ARHGEF28: variants seen among roughly 807,000 people sequenced by gnomAD.
The protein encoded by ARHGEF28 is 190 kDa guanine nucleotide exchange factor.
ARHGEF28 carries 152 observed loss-of-function variants against 206.6 expected under a neutral mutation model. The ratio of observed to expected loss-of-function variants is 0.74; its 90% CI spans 0.64 to 0.84. ARHGEF28 has a LOEUF of 0.84. Among genes scored for constraint, ARHGEF28 ranks in the 40% least tolerant of loss-of-function variants. The probability of loss-of-function intolerance (pLI) is 0.00; values close to 1 mark genes in which losing one functional copy is unlikely to be tolerated. For synonymous variants in ARHGEF28, 763 were observed against 776.4 expected (o/e 0.98, Z 0.29); for missense variants, 2,028 against 2,073.2 (o/e 0.98, Z 0.42).
At chr5:73,782,040 T>A (rs944512326) in intron 7 of ARHGEF28, among the ~76,000 whole-genome samples, 1 of 151,966 alleles carries the variant, frequency 6.6e-6, no homozygotes, top group Non-Finnish European at 1.5e-5. Context: ...GGTCAATACT[T>A]TTGATTCTGC....
chr5:73,711,809 A>G (rs1026257394), intron 2 of ARHGEF28, among the ~76,000 whole-genome samples: 15 of 150,920 alleles, frequency 9.9e-5, no homozygotes, highest in African/African-American at 3.7e-4. Flanking sequence ...TTTTATTCCT[A>G]TCTTTGTGCC....
chr5:73,738,906 T>C (rs972724810), intron 2 of ARHGEF28, among the ~76,000 whole-genome samples: 8 of 152,176 alleles, frequency 5.3e-5, no homozygotes, highest in Admixed American at 4.6e-4. Context: ...TCTGTGTGGG[T>C]TCAAGGTGAA....
chr5:73,880,276 C>G (rs936068398), intron 22 of ARHGEF28, among the ~76,000 whole-genome samples: 1 of 152,164 alleles, frequency 6.6e-6, no homozygotes, highest in African/African-American at 2.4e-5. Context: ...CTAAGCCCGT[C>G]GGAAAAGCGC....
At chr5:73,719,459 G>T (rs1190513631) in intron 2 of ARHGEF28, among the ~76,000 whole-genome samples, 3 of 149,776 alleles carry the variant, frequency 2.0e-5, no homozygotes, top group Non-Finnish European at 4.4e-5. Context: ...TTCAAACTCT[G>T]TTCTTCATAA....
At chr5:73,813,363 T>G (rs1258963905) in intron 9 of ARHGEF28, 1 of 427,428 alleles carries the variant, frequency 2.3e-6, no homozygotes, top group Non-Finnish European at 3.1e-6. Flanking sequence ...TTTACTTCCC[T>G]AGTTTGGCTT....
intron 9 of ARHGEF28, among the ~76,000 whole-genome samples, chr5:73,821,579 AGTTT>A (rs1756589720): frequency 6.6e-6 from 1 of 152,056 alleles, no homozygotes; most frequent in African/African-American, 2.4e-5. Context: ...CTTCCTCATT[AGTTT>A]GTTTATATTT....
chr5:73,677,118 C>A (rs1746746799), intron 1 of ARHGEF28, among the ~76,000 whole-genome samples: 1 of 152,170 alleles, frequency 6.6e-6, no homozygotes, highest in Non-Finnish European at 1.5e-5. Flanking sequence ...TAGATGCCAG[C>A]ATTGAGTGGA....
intron 10 of ARHGEF28, among the ~76,000 whole-genome samples, chr5:73,837,461 G>A (rs957106067): frequency 1.3e-5 from 2 of 151,814 alleles, no homozygotes; most frequent in Admixed American, 6.6e-5. Context: ...TATTTTCTTA[G>A]CTGTTTAAAT....
intron 9 of ARHGEF28, among the ~76,000 whole-genome samples, chr5:73,804,082 CAAAAAAAA>C (rs35722039): frequency 5.3e-4 from 34 of 64,302 alleles, no homozygotes; most frequent in African/African-American, 1.5e-3. Context: ...GAGACCCTGT[CAAAAAAAA>C]AAAAAAAAAA....
At chr5:73,843,335 A>G (rs1296063195) in intron 11 of ARHGEF28, among the ~76,000 whole-genome samples, 1 of 152,178 alleles carries the variant, frequency 6.6e-6, no homozygotes, top group Non-Finnish European at 1.5e-5. Context: ...AAGCCATTCT[A>G]CAGAAAAGCT....
At chr5:73,820,007 C>G (rs1284701032) in intron 9 of ARHGEF28, among the ~76,000 whole-genome samples, 1 of 152,102 alleles carries the variant, frequency 6.6e-6, no homozygotes, top group Non-Finnish European at 1.5e-5. Context: ...ACCTCTATAC[C>G]CTAAGACACT....
chr5:73,694,750 T>C (rs887244651), intron 2 of ARHGEF28, among the ~76,000 whole-genome samples: 1 of 152,202 alleles, frequency 6.6e-6, no homozygotes, highest in Non-Finnish European at 1.5e-5. Context: ...TGCTGTTACT[T>C]TTATCAAAAC....
chr5:73,799,104 A>G (rs1754991756), intron 9 of ARHGEF28, among the ~76,000 whole-genome samples: 1 of 152,056 alleles, frequency 6.6e-6, no homozygotes, highest in Admixed American at 6.6e-5. Flanking sequence ...ACAAATAGGA[A>G]CTGCTTAAAG....
chr5:73,700,486 A>C (rs1214971139), intron 2 of ARHGEF28, among the ~76,000 whole-genome samples: 1 of 152,286 alleles, frequency 6.6e-6, no homozygotes, highest in East Asian at 1.9e-4. Context: ...CATAAGAGAG[A>C]GGAGAGGATG....
chr5:73,630,142 A>G (rs1042179992), intron 1 of ARHGEF28, among the ~76,000 whole-genome samples: 1 of 152,250 alleles, frequency 6.6e-6, no homozygotes, highest in African/African-American at 2.4e-5. Context: ...TATATAATAG[A>G]CATTCCCTTA....
At chr5:73,900,669 T>C (rs1432854867) in intron 30 of ARHGEF28, 1 of 152,856 alleles carries the variant, frequency 6.5e-6, no homozygotes, top group Non-Finnish European at 1.5e-5. Context: ...GTATTAGCCA[T>C]CTCCGCCTTC....
chr5:73,884,900 C>T (rs1761167743), intron 24 of ARHGEF28, among the ~76,000 whole-genome samples: 1 of 152,102 alleles, frequency 6.6e-6, no homozygotes, highest in Non-Finnish European at 1.5e-5. Flanking sequence ...TTGGTATGAG[C>T]ATGGCTGATT....
Position 73,692,247 on chromosome 5 carries a change from T to C in ARHGEF28, c.33+7363T>C, listed in dbSNP as rs559754408. Among the ~76,000 whole-genome samples, 3 of 152,318 alleles carry C rather than the reference T, an allele frequency of 2.0e-5. No individual in the cohort carries two copies. The East Asian group carries it at 5.8e-4, about 29-fold the overall frequency. On this transcript the variant is annotated intron_variant, in intron 2 of 35. Coordinates refer to ENST00000513042, the MANE Select transcript of ARHGEF28 (RefSeq NM_001177693.2). Reference sequence around the variant, plus strand: ...TTTGACTAATCCGTGGAGATTTTTTTTAACATCTGCAGAGGGTGCATGTGT... The same window carrying C: ...TTTGACTAATCCGTGGAGATTTTTTCTAACATCTGCAGAGGGTGCATGTGT...
Position 73,881,963 on chromosome 5 carries a change from A to G in ARHGEF28, c.2815-509A>G, listed in dbSNP as rs187674058. 4.0e-3 allele frequency among the ~76,000 whole-genome samples: 612 copies of G among 152,288 alleles called. 5 individuals carry two copies. The highest frequency in any genetic ancestry group is 3.9e-3 in the Non-Finnish European group (268 of 68,012). Reference sequence around the variant, plus strand: ...GATCTATTTGTAATGTGTGAACAAAAAATCAAATTCCCTACTAAGGACTCA... The same window carrying G: ...GATCTATTTGTAATGTGTGAACAAAGAATCAAATTCCCTACTAAGGACTCA... On this transcript the variant is annotated intron_variant, in intron 22 of 35. Coordinates refer to ENST00000513042, the MANE Select transcript of ARHGEF28 (RefSeq NM_001177693.2).
Sources: gnomAD v4.1 joint callset for allele counts (sites outside exome capture counted in the v4.1 genomes callset) on GRCh38, gnomAD v4.1.1 for gene constraint, MANE v1.5 for transcripts, NCBI Gene and HGNC (gene_info 2026-07-23, HGNC 2026-07-21) for gene names.